The following MCM9 variants were observed in gnomAD, a reference collection of about 807,000 sequenced individuals.
MCM9 encodes DNA helicase MCM9.
A neutral mutation model predicts 72.8 loss-of-function variants in MCM9; 55 were observed. The observed-to-expected ratio is 0.76, with a 90% confidence interval of 0.61 to 0.95. MCM9 has a LOEUF of 0.95. Among genes scored for constraint, MCM9 ranks in the 40% least tolerant of loss-of-function variants. The probability of loss-of-function intolerance (pLI) is 0.00; values close to 1 mark genes in which losing one functional copy is unlikely to be tolerated. For synonymous variants in MCM9, 480 were observed against 503.4 expected (o/e 0.95, Z 0.62); for missense variants, 1,279 against 1,377.0 (o/e 0.93, Z 1.13).
intron 8 of MCM9, among the ~76,000 whole-genome samples, chr6:118,866,598 T>C (rs1484375633): frequency 6.6e-6 from 1 of 152,066 alleles, no homozygotes; most frequent in Admixed American, 6.6e-5. Context: ...GAAGAATAGA[T>C]TGGTTAACTT....
chr6:118,911,470 A>G, intron 8 of MCM9, 180 bp downstream of exon 8: 1 of 1,313,634 alleles, frequency 7.6e-7, no homozygotes, highest in East Asian at 2.9e-5. Context: ...GTGAAGGTGG[A>G]GCTTGCAAGA....
At chr6:118,850,432 G>A (rs576024882) in intron 9 of MCM9, among the ~76,000 whole-genome samples, 3 of 151,864 alleles carry the variant, frequency 2.0e-5, no homozygotes, top group South Asian at 2.1e-4. Flanking sequence ...TGACATACAT[G>A]AACTCTATTT....
intron 8 of MCM9, among the ~76,000 whole-genome samples, chr6:118,864,545 C>A (rs1777098215): frequency 6.6e-6 from 1 of 151,880 alleles, no homozygotes; most frequent in Non-Finnish European, 1.5e-5. Flanking sequence ...TGAGAGACTC[C>A]TACACACTGG....
rs746705479 is a variant in MCM9, at chr6:118,829,037, T to C, written c.1528+11A>G. 1 of 1,549,606 alleles carries C rather than the reference T, an allele frequency of 6.5e-7. No individual in the cohort carries two copies. Among genetic ancestry groups the C allele is most frequent in the Non-Finnish European group, 8.7e-7 (1 of 1,146,210 alleles). On this transcript the variant is annotated intron_variant, in intron 10 of 13. Coordinates refer to ENST00000619706, the MANE Select transcript of MCM9 (RefSeq NM_017696.3). ...TCTGTTATTTTGAATGCTTTGTTTG[T>C]CTTCACGTACCTTTATTTTCTAAGA...
At chr6:118,896,400 C>T (rs907228691) in intron 8 of MCM9, among the ~76,000 whole-genome samples, 1 of 152,114 alleles carries the variant, frequency 6.6e-6, no homozygotes, top group African/African-American at 2.4e-5. Flanking sequence ...TCAAGTGTTG[C>T]CTTCCATTTT....
At chr6:118,881,301 G>A (rs980867604) in intron 8 of MCM9, among the ~76,000 whole-genome samples, 33 of 151,696 alleles carry the variant, frequency 2.2e-4, no homozygotes, top group African/African-American at 7.5e-4. Context: ...GACTCCCTCC[G>A]CATCTAGATA....
At chr6:118,877,259 A>C (rs994736263) in intron 8 of MCM9, among the ~76,000 whole-genome samples, 1 of 152,128 alleles carries the variant, frequency 6.6e-6, no homozygotes, top group Non-Finnish European at 1.5e-5. Flanking sequence ...GAACAGAAAA[A>C]ACCTGCCCAA....
At chr6:118,910,355 C>T (rs1780456603) in intron 8 of MCM9, among the ~76,000 whole-genome samples, 2 of 152,200 alleles carry the variant, frequency 1.3e-5, no homozygotes, top group South Asian at 4.1e-4. Context: ...GTAGCAATAA[C>T]TATTCTATAA....
At chr6:118,889,320 C>A (rs1778800272) in intron 8 of MCM9, among the ~76,000 whole-genome samples, 1 of 152,040 alleles carries the variant, frequency 6.6e-6, no homozygotes, top group Non-Finnish European at 1.5e-5. Context: ...CTCACAAAGC[C>A]TACATGCCTA....
intron 8 of MCM9, among the ~76,000 whole-genome samples, chr6:118,867,289 A>G (rs1301407321): frequency 6.6e-6 from 1 of 152,222 alleles, no homozygotes; most frequent in East Asian, 1.9e-4. Context: ...TAAAATTATA[A>G]TGGAGCTGAA....
chr6:118,827,807 G>T, intron 11 of MCM9, 120 bp downstream of exon 11: 2 of 906,144 alleles, frequency 2.2e-6, no homozygotes, highest in Non-Finnish European at 1.7e-6. Context: ...ATTTTTAAGT[G>T]ACTATGAGCA....
chr6:118,917,587 T>G lies in MCM9; in HGVS notation c.878A>C (p.Glu293Ala), dbSNP rs1375875229. 6.2e-7 allele frequency: 1 copy of G among 1,614,140 alleles called. No homozygotes were observed. Among genetic ancestry groups the G allele is most frequent in the South Asian group, 1.1e-5 (1 of 91,082 alleles). ...EVQKEFEDFW[E>A]YYKSDPFAGR... ...TGCAAAGGGATCGCTCTTATAGTAT[T>G]CCCAAAAATCTTCGAATTCCTTTTG... Residue 293 changes from glutamate to alanine, a missense_variant, in exon 6 of 14, where the codon GAA (glutamate) becomes GCA (alanine). Coordinates refer to ENST00000619706, the MANE Select transcript of MCM9 (RefSeq NM_017696.3).
rs1265175633 is a variant in MCM9, at chr6:118,913,281, A to G, written c.1030+14T>C. 3 of 1,612,290 alleles carry G rather than the reference A, an allele frequency of 1.9e-6. No homozygotes were observed. Among genetic ancestry groups the G allele is most frequent in the African/African-American group, 2.7e-5 (2 of 74,848 alleles). ...TGTGTCAATATTACTCAAAATTTCT[A>G]AATAGGTACTAACCTCTGACCCGTG... On this transcript the variant is annotated intron_variant, in intron 7 of 13. Coordinates refer to ENST00000619706, the MANE Select transcript of MCM9 (RefSeq NM_017696.3).
At chr6:118,911,323 C>T (rs1057252953) in intron 8 of MCM9, 55 of 1,041,342 alleles carry the variant, frequency 5.3e-5, no homozygotes, top group Admixed American at 1.1e-4. Flanking sequence ...GAAATATCCC[C>T]CTCTTTAGTT....
intron 8 of MCM9, among the ~76,000 whole-genome samples, chr6:118,903,876 C>T (rs988766430): frequency 4.6e-5 from 7 of 152,082 alleles, no homozygotes; most frequent in African/African-American, 1.4e-4. Context: ...CGTGAGCCAC[C>T]GTGCTCAGAG....
At chr6:118,826,341 G>A in intron 12 of MCM9, 49 bp from the exon 13 acceptor site, 1 of 1,530,514 alleles carries the variant, frequency 6.5e-7, no homozygotes, top group South Asian at 1.2e-5. Context: ...AGCCTGCATA[G>A]CGGTAAGTAC....
At chr6:118,852,528 A>G (rs2114668305) in intron 9 of MCM9, among the ~76,000 whole-genome samples, 1 of 152,290 alleles carries the variant, frequency 6.6e-6, no homozygotes, top group East Asian at 1.9e-4. Context: ...CACTATTATT[A>G]CTTTACATAA....
chr6:118,892,735 C>T (rs1179180535), intron 8 of MCM9, among the ~76,000 whole-genome samples: 1 of 152,202 alleles, frequency 6.6e-6, no homozygotes, highest in Non-Finnish European at 1.5e-5. Context: ...AAACAACTGG[C>T]TTGAAGAAGT....
chr6:118,907,742 T>C, intron 8 of MCM9: 2 of 704,756 alleles, frequency 2.8e-6, no homozygotes, highest in South Asian at 2.3e-5. Flanking sequence ...GTAGAAAGTT[T>C]ATAAGAAAAC....
Sources: allele counts gnomAD v4.1 joint callset (sites outside exome capture counted in the v4.1 genomes callset), GRCh38; gene constraint gnomAD v4.1.1; transcripts MANE v1.5; gene names NCBI Gene and HGNC (gene_info 2026-07-23, HGNC 2026-07-21).